The following SAMMSON variants were observed in gnomAD, a reference collection of about 807,000 sequenced individuals.
SAMMSON encodes long intergenic non-protein coding RNA 1212.
At chr3:70,132,180 A>G (rs1559520537) in intron 4 of SAMMSON, among the ~76,000 whole-genome samples, 1 of 152,090 alleles carries the variant, frequency 6.6e-6, no homozygotes. Flanking sequence ...ACTGATATCA[A>G]CCAACTGCCT....
chr3:70,212,737 A>AAC (rs373109485), intron 4 of SAMMSON, among the ~76,000 whole-genome samples: 3 of 151,936 alleles, frequency 2.0e-5, no homozygotes, highest in East Asian at 1.9e-4. Context: ...ACACATCATG[A>AAC]ACACACACAC....
intron 4 of SAMMSON, among the ~76,000 whole-genome samples, chr3:70,158,828 T>C (rs568799200): frequency 6.6e-6 from 1 of 152,162 alleles, no homozygotes; most frequent in African/African-American, 2.4e-5. Context: ...TATTCTAATA[T>C]AGGGGACCAA....
chr3:70,208,528 C>T lies in SAMMSON; in HGVS notation n.508-40579C>T, dbSNP rs933273601. Among the ~76,000 whole-genome samples, 3 of 151,944 alleles carry T rather than the reference C, an allele frequency of 2.0e-5. No homozygotes were observed. The South Asian group carries it at 6.2e-4, about 32-fold the overall frequency. On this transcript the variant is annotated intron_variant and non_coding_transcript_variant, in intron 4 of 9. Coordinates refer to ENST00000642114, the Ensembl canonical transcript of SAMMSON. ...CAGAATTTTTAAAGCTCTGGTATTC[C>T]CCTATTCAGGAGACCAATTAAATCA...
intron 4 of SAMMSON, among the ~76,000 whole-genome samples, chr3:70,100,064 T>C (rs2067337720): frequency 1.3e-5 from 2 of 152,192 alleles, no homozygotes; most frequent in Admixed American, 1.3e-4. Context: ...CAGCCAAGGC[T>C]CAGCTACAGA....
At chr3:70,292,367 T>C (rs1348952144) in intron 7 of SAMMSON, among the ~76,000 whole-genome samples, 1 of 152,178 alleles carries the variant, frequency 6.6e-6, no homozygotes, top group African/African-American at 2.4e-5. Flanking sequence ...TTGGCCTTGA[T>C]ATCTTCAGCT....
intron 4 of SAMMSON, among the ~76,000 whole-genome samples, chr3:70,231,770 C>T (rs1701561891): frequency 6.6e-6 from 1 of 152,148 alleles, no homozygotes; most frequent in South Asian, 2.1e-4. Flanking sequence ...CCACGACTGC[C>T]CCCTTGCCCC....
rs1181091205 is a variant in SAMMSON at position 70,125,503 on chromosome 3, G to A, written n.507+53938G>A. 4.2e-6 allele frequency: 3 copies of A among 718,590 alleles called. No individual in the cohort carries two copies. In the South Asian group the frequency reaches 4.7e-5, roughly 11 times the overall value. 44.5% of individuals were successfully genotyped at this position (718,590 alleles called of 1,614,324 possible). A position where few individuals can be genotyped will look rare whatever the true frequency, so the allele number is the denominator to read the frequency against. ...AGTCTTTTTTAATCTCTTCTGTGAT[G>A]TTCAAATTAGGTTTGGGAAAGATTT... On this transcript the variant is annotated intron_variant and non_coding_transcript_variant, in intron 4 of 9. Transcript: ENST00000642114.
intron 4 of SAMMSON, among the ~76,000 whole-genome samples, chr3:70,186,098 A>G (rs1701089156): frequency 6.6e-6 from 1 of 152,162 alleles, no homozygotes; most frequent in Non-Finnish European, 1.5e-5. Flanking sequence ...CACTTCAAAC[A>G]CAGAAAGAGA....
chr3:70,099,303 G>C (rs2067334298), intron 4 of SAMMSON, among the ~76,000 whole-genome samples: 1 of 152,156 alleles, frequency 6.6e-6, no homozygotes, highest in Non-Finnish European at 1.5e-5. Context: ...TAGTTCTCTT[G>C]AGTGATTATA....
At chr3:70,288,438 T>G (rs1431780369) in intron 6 of SAMMSON, among the ~76,000 whole-genome samples, 2 of 151,142 alleles carry the variant, frequency 1.3e-5, no homozygotes, top group African/African-American at 2.4e-5. Context: ...TTGTTATAAT[T>G]TCTGTTCTTT....
chr3:70,344,167 G>C (rs1157573750), intron 7 of SAMMSON, among the ~76,000 whole-genome samples: 1 of 152,036 alleles, frequency 6.6e-6, no homozygotes. Flanking sequence ...ATAAGAACAG[G>C]CATTCCTGTT....
intron 9 of SAMMSON, among the ~76,000 whole-genome samples, chr3:70,373,565 A>T (rs1255788278): frequency 3.3e-5 from 5 of 151,288 alleles, no homozygotes; most frequent in Non-Finnish European, 5.9e-5. Context: ...TTCCAGCCCC[A>T]CTCTCTTTCT....
At chr3:70,212,103 A>G (rs1185012747) in intron 4 of SAMMSON, among the ~76,000 whole-genome samples, 1 of 152,000 alleles carries the variant, frequency 6.6e-6, no homozygotes, top group East Asian at 1.9e-4. Context: ...TTCTTTGTGA[A>G]GTTGGCCACT....
At chr3:70,250,445 A>G (rs186397342) in intron 6 of SAMMSON, among the ~76,000 whole-genome samples, 2,714 of 150,802 alleles carry the variant, frequency 0.018, 28 homozygotes, top group South Asian at 0.063. Context: ...ACACACACAC[A>G]CACACAAACA....
At chr3:70,044,995 T>TATTAC (rs1184726361) in intron 3 of SAMMSON, among the ~76,000 whole-genome samples, 40 of 130,706 alleles carry the variant, frequency 3.1e-4, no homozygotes, top group African/African-American at 1.1e-3. Flanking sequence ...ACTTTAATTA[T>TATTAC]ATAATTAATT....
intron 7 of SAMMSON, among the ~76,000 whole-genome samples, chr3:70,296,764 C>G (rs1023824414): frequency 1.5e-4 from 23 of 152,026 alleles, no homozygotes; most frequent in African/African-American, 4.6e-4. Flanking sequence ...TACTATAAGC[C>G]CGACTATCAG....
At position 70,366,257 on chromosome 3, in the gene SAMMSON, T is replaced by C. The variant is rs1169852268; in HGVS notation, n.913+7933T>C. ...CACCCGCCTCGGCCTCCCAAAGTGC[T>C]GGGATTACAGGCGTGAGCCACTGCG... On this transcript the variant is annotated intron_variant and non_coding_transcript_variant, in intron 9 of 9. Transcript: ENST00000642114. Among the ~76,000 whole-genome samples, 6 of 24,580 alleles carry C rather than the reference T, an allele frequency of 2.4e-4. 2 individuals carry two copies. Among genetic ancestry groups the C allele is most frequent in the African/African-American group, 8.6e-4 (6 of 7,002 alleles). 16.1% of individuals were successfully genotyped at this position (24,580 alleles called of 152,430 possible). A position where few individuals can be genotyped will look rare whatever the true frequency, so the allele number is the denominator to read the frequency against.
intron 7 of SAMMSON, among the ~76,000 whole-genome samples, chr3:70,297,200 A>G (rs1376743841): frequency 6.6e-6 from 1 of 152,168 alleles, no homozygotes; most frequent in Non-Finnish European, 1.5e-5. Flanking sequence ...AAATAAGTGT[A>G]TGAATTATTT....
intron 7 of SAMMSON, among the ~76,000 whole-genome samples, chr3:70,304,553 C>T (rs770050611): frequency 3.3e-4 from 50 of 152,240 alleles, no homozygotes; most frequent in Non-Finnish European, 5.4e-4. Flanking sequence ...CGGGGGTCAG[C>T]CTTTGATTCC....
Sources: allele counts gnomAD v4.1 joint callset (sites outside exome capture counted in the v4.1 genomes callset), GRCh38; gene constraint gnomAD v4.1.1; transcripts MANE v1.5; gene names NCBI Gene and HGNC (gene_info 2026-07-23, HGNC 2026-07-21).